The following DPP6 variants were observed in gnomAD, a reference collection of about 807,000 sequenced individuals.
DPP6 encodes A-type potassium channel modulatory protein DPP6.
In DPP6, 69 loss-of-function variants were observed where a neutral mutation model predicts 122.6. The ratio of observed to expected loss-of-function variants is 0.56; its 90% CI spans 0.46 to 0.69. The LOEUF is 0.69. DPP6 is among the 30% of genes least tolerant of loss of function. The pLI is 0.00. For missense variants in DPP6, 928 were observed against 1,116.9 expected, an observed-to-expected ratio of 0.83 and a Z score of 2.41; for synonymous variants, 418 against 433.1, an observed-to-expected ratio of 0.97 and a Z score of 0.43.
chr7:154,133,099 TG>T (rs911911653), intron 1 of DPP6, among the ~76,000 whole-genome samples: 6 of 152,162 alleles, frequency 3.9e-5, no homozygotes, highest in South Asian at 2.1e-4. Context: ...AAAGTAGCTC[TG>T]GGACAGGAAT....
chr7:154,626,367 A>AT (rs1678670954), intron 5 of DPP6, among the ~76,000 whole-genome samples: 1 of 152,210 alleles, frequency 6.6e-6, no homozygotes, highest in African/African-American at 2.4e-5. Flanking sequence ...TTTATTGTTC[A>AT]TCTCCTAAAT....
At chr7:154,003,453 A>AGC (rs1253418545) in intron 1 of DPP6, among the ~76,000 whole-genome samples, 1 of 152,246 alleles carries the variant, frequency 6.6e-6, no homozygotes, top group Non-Finnish European at 1.5e-5. Flanking sequence ...ATAAAAGCTG[A>AGC]GCGTGTGTGA....
At chr7:154,713,249 T>C (rs11981117) in intron 7 of DPP6, among the ~76,000 whole-genome samples, 7,474 of 152,304 alleles carry the variant, frequency 0.049, 580 homozygotes, top group African/African-American at 0.17. Flanking sequence ...GCTGCTTTCA[T>C]GGGCTGACAT....
chr7:154,577,077 G>A (rs1563882331), intron 5 of DPP6, among the ~76,000 whole-genome samples: 1 of 152,080 alleles, frequency 6.6e-6, no homozygotes, highest in Non-Finnish European at 1.5e-5. Flanking sequence ...AAAATATGAA[G>A]GACGGGTCAA....
At chr7:154,014,563 G>A (rs528248024) in intron 1 of DPP6, among the ~76,000 whole-genome samples, 4 of 151,904 alleles carry the variant, frequency 2.6e-5, no homozygotes, top group Non-Finnish European at 5.9e-5. Flanking sequence ...GCTGAGGCAC[G>A]AGAATCGCTT....
At chr7:153,827,949 GATGCTCGGAGATAA>G in the DPP6 span, among the ~76,000 whole-genome samples, 1 of 152,228 alleles carries the variant, frequency 6.6e-6, no homozygotes, top group Non-Finnish European at 1.5e-5. Flanking sequence ...GATGGTCACT[GATGCTCGGAGATAA>G]CGAGGCCCCT....
At chr7:154,020,238 C>T (rs1481507081) in intron 1 of DPP6, among the ~76,000 whole-genome samples, 2 of 151,582 alleles carry the variant, frequency 1.3e-5, no homozygotes, top group Non-Finnish European at 2.9e-5. Flanking sequence ...TAGATAAAAG[C>T]GTGATAGAGC....
In DPP6 at chr7:154,789,619, C is replaced by T. The variant is rs535095812; in HGVS notation, c.1137-4460C>T. 4.8e-4 allele frequency among the ~76,000 whole-genome samples: 73 copies of T among 152,294 alleles called. 1 individual carries two copies. The highest frequency in any genetic ancestry group is 5.0e-4 in the Non-Finnish European group (34 of 68,042). On this transcript the variant is annotated intron_variant, in intron 10 of 25. Transcript: ENST00000377770. ...AAAGTTAGTAAAGGTCTCCCTCTGCCGGCCAGGCACCACTGCTTGCTGGAG... is the reference window on the plus strand; with the variant it reads ...AAAGTTAGTAAAGGTCTCCCTCTGCTGGCCAGGCACCACTGCTTGCTGGAG...
In DPP6 at chr7:154,248,687, G is replaced by A. The variant is rs73165281; in HGVS notation, c.243+195624G>A. 9.0e-3 allele frequency among the ~76,000 whole-genome samples: 1,372 copies of A among 152,168 alleles called. 12 individuals are homozygous for A. The highest frequency in any genetic ancestry group is 0.031 in the Middle Eastern group (9 of 292). Reference sequence around the variant, plus strand: ...CTGAGAGCAATCTGGCCAAGATGGGGAAATCCCATCTCTACTAAAAATACA... The same window carrying A: ...CTGAGAGCAATCTGGCCAAGATGGGAAAATCCCATCTCTACTAAAAATACA... On this transcript the variant is annotated intron_variant, in intron 1 of 25. Coordinates refer to ENST00000377770, the MANE Select transcript of DPP6 (RefSeq NM_130797.4).
At chr7:154,404,444 G>A (rs1815899409) in intron 1 of DPP6, among the ~76,000 whole-genome samples, 1 of 152,126 alleles carries the variant, frequency 6.6e-6, no homozygotes, top group South Asian at 2.1e-4. Context: ...AGAGCCTAGA[G>A]AAAATATTTA....
chr7:153,842,771 A>G, the DPP6 span, among the ~76,000 whole-genome samples: 1 of 152,226 alleles, frequency 6.6e-6, no homozygotes, highest in South Asian at 2.1e-4. Context: ...TATTATTTAT[A>G]GATGAAGTTA....
intron 1 of DPP6, among the ~76,000 whole-genome samples, chr7:153,966,625 T>C (rs39169): frequency 0.25 from 33,360 of 133,690 alleles, 7,968 homozygotes; most frequent in Non-Finnish European, 0.38. Flanking sequence ...AATTATACTT[T>C]AATTTTTACA....
intron 1 of DPP6, among the ~76,000 whole-genome samples, chr7:154,180,192 A>G (rs1798000303): frequency 6.6e-6 from 1 of 151,854 alleles, no homozygotes. Flanking sequence ...TACTAAAAAC[A>G]CAAAAATTAG....
In DPP6 at chr7:154,577,191, T is replaced by A. The variant is rs957699614; in HGVS notation, c.627+10275T>A. On this transcript the variant is annotated intron_variant, in intron 5 of 25. Coordinates refer to ENST00000377770, the MANE Select transcript of DPP6 (RefSeq NM_130797.4). ...AGAGAGCCTCAGAGATCCCAGGGAC[T>A]CACAGGAGGAGGAGGAGGAAAGATT... is the stretch of plus-strand genomic sequence containing the variant. Among the ~76,000 whole-genome samples the A allele has an allele frequency of 9.7e-3, 1,475 of 151,972 alleles. 31 individuals are homozygous for A. The highest frequency in any genetic ancestry group is 0.033 in the African/African-American group (1,381 of 41,424).
intron 21 of DPP6, chr7:154,883,977 TAC>T (rs1805789043): frequency 7.6e-6 from 1 of 131,856 alleles, no homozygotes; most frequent in Non-Finnish European, 1.6e-5. Context: ...CACGATTACA[TAC>T]ACATGCTCAC....
the DPP6 span, among the ~76,000 whole-genome samples, chr7:153,855,004 C>T: frequency 1.6e-4 from 23 of 139,866 alleles, no homozygotes; most frequent in South Asian, 2.6e-4. Context: ...AACCAAACAC[C>T]GCATATTCTC....
intron 1 of DPP6, among the ~76,000 whole-genome samples, chr7:154,042,699 GC>G (rs1224364391): frequency 6.6e-6 from 1 of 152,172 alleles, no homozygotes; most frequent in Non-Finnish European, 1.5e-5. Context: ...GAGCTCTCCA[GC>G]CCCCTTCTCA....
chr7:154,580,246 C>T (rs1382857230), intron 5 of DPP6, among the ~76,000 whole-genome samples: 2 of 151,488 alleles, frequency 1.3e-5, no homozygotes, highest in Admixed American at 6.6e-5. Flanking sequence ...CACACACATG[C>T]ACACACACAT....
At chr7:153,882,962 G>A (rs184709521), upstream of DPP6, among the ~76,000 whole-genome samples, 9 of 152,296 alleles carry the variant, frequency 5.9e-5, no homozygotes, top group Admixed American at 1.3e-4. Flanking sequence ...GAAACAGTGC[G>A]GTGAGAATCG....
Sources: gnomAD v4.1 joint callset for allele counts (sites outside exome capture counted in the v4.1 genomes callset) on GRCh38, gnomAD v4.1.1 for gene constraint, MANE v1.5 for transcripts, NCBI Gene and HGNC (gene_info 2026-07-23, HGNC 2026-07-21) for gene names.